TRPM3: variants seen among roughly 807,000 people sequenced by gnomAD.
TRPM3 encodes transient receptor potential cation channel subfamily M member 3, also known as long transient receptor potential channel 3.
In TRPM3, 77 loss-of-function variants were observed where a neutral mutation model predicts 181.2. The observed-to-expected ratio is 0.42, with a 90% CI of 0.35 to 0.51. The LOEUF (loss-of-function observed/expected upper bound fraction) is 0.51, where lower values mean the gene tolerates loss of function less well. TRPM3 is among the 20% of genes least tolerant of loss of function. The pLI, the probability that TRPM3 is intolerant of heterozygous loss-of-function variation, is 0.01. For synonymous variants in TRPM3, 745 were observed against 796.4 expected (o/e 0.94, Z 1.09); for missense variants, 1,759 against 2,196.7 (o/e 0.80, Z 3.98).
intron 1 of TRPM3, among the ~76,000 whole-genome samples, chr9:71,032,504 A>G (rs2057662975): frequency 6.6e-6 from 1 of 151,962 alleles, no homozygotes; most frequent in Admixed American, 6.6e-5. Context: ...GATCCTTACT[A>G]TTAGTTTTAG....
intron 1 of TRPM3, among the ~76,000 whole-genome samples, chr9:70,939,940 C>T (rs2096869255): frequency 6.6e-6 from 1 of 152,204 alleles, no homozygotes. Context: ...TTACAATAAG[C>T]TACTTCCTAG....
At chr9:71,362,130 C>T (rs1446316896) in intron 1 of TRPM3, among the ~76,000 whole-genome samples, 1 of 152,176 alleles carries the variant, frequency 6.6e-6, no homozygotes, top group African/African-American at 2.4e-5. Context: ...CAGATAAGGC[C>T]CCTGAAGGCC....
chr9:71,280,583 TAAA>T (rs1223197675), intron 1 of TRPM3, among the ~76,000 whole-genome samples: 1 of 152,126 alleles, frequency 6.6e-6, no homozygotes, highest in African/African-American at 2.4e-5. Flanking sequence ...AGAAAAAAAT[TAAA>T]TAATGGAGTC....
chr9:70,769,850 T>G (rs992808149), intron 7 of TRPM3, among the ~76,000 whole-genome samples: 1 of 152,170 alleles, frequency 6.6e-6, no homozygotes, highest in Non-Finnish European at 1.5e-5. Flanking sequence ...CTTGGTTCAA[T>G]GTTAGCTATA....
chr9:70,662,095 A>G (rs892065107), intron 9 of TRPM3, among the ~76,000 whole-genome samples: 2 of 152,146 alleles, frequency 1.3e-5, no homozygotes, highest in Admixed American at 6.5e-5. Flanking sequence ...TGGAACAGAA[A>G]TAGAGAACCT....
At chr9:70,737,671 G>A (rs1054714666) in intron 8 of TRPM3, among the ~76,000 whole-genome samples, 1 of 144,128 alleles carries the variant, frequency 6.9e-6, no homozygotes, top group Non-Finnish European at 1.5e-5. Context: ...GTAAAGGAGT[G>A]GAAAAAAATA....
rs557460961 is a variant in TRPM3, at chr9:71,249,315, A to G, written c.183+197338T>C. ...ATGTTCATTTACCTGCAAACACTAT[A>G]AAACCAAACTCTACATTGGAGCTTT... On this transcript the variant is annotated intron_variant, in intron 1 of 24. Transcript: ENST00000357533. Among the ~76,000 whole-genome samples the G allele has an allele frequency of 2.0e-5, 3 of 152,364 alleles. No individual in the cohort carries two copies. The East Asian group carries it at 5.8e-4, about 29-fold the overall frequency.
At chr9:70,821,195 A>G (rs2093136762) in intron 6 of TRPM3, among the ~76,000 whole-genome samples, 1 of 152,218 alleles carries the variant, frequency 6.6e-6, no homozygotes, top group Non-Finnish European at 1.5e-5. Flanking sequence ...TATTTTTAAG[A>G]TCTAGCCTAT....
chr9:70,610,069 G>T (rs944906656), intron 19 of TRPM3, among the ~76,000 whole-genome samples: 1 of 152,180 alleles, frequency 6.6e-6, no homozygotes, highest in African/African-American at 2.4e-5. Flanking sequence ...AGTAGTTTTT[G>T]CTGCTGTGGT....
chr9:71,420,787 A>AAGAGAG (rs1264016417), intron 1 of TRPM3, among the ~76,000 whole-genome samples: 1 of 47,062 alleles, frequency 2.1e-5, no homozygotes, highest in Admixed American at 1.8e-4. Context: ...AAGAGAGAGA[A>AAGAGAG]AGAGAGAGAA....
In TRPM3 at chr9:70,646,533, A is replaced by T. The variant is rs556398983; in HGVS notation, c.1346-5873T>A. Among the ~76,000 whole-genome samples, 6 of 152,282 alleles carry T rather than the reference A, an allele frequency of 3.9e-5. No homozygotes were observed. The South Asian group carries it at 1.0e-3, about 26-fold the overall frequency. On this transcript the variant is annotated intron_variant, in intron 9 of 25. Coordinates refer to ENST00000677713, the MANE Select transcript of TRPM3 (RefSeq NM_001366145.2). ...AGTTGAACAATGAGAACACATGGGCACAGGGAGGAAAACATCACACGCCAG... is the reference window on the plus strand; with the variant it reads ...AGTTGAACAATGAGAACACATGGGCTCAGGGAGGAAAACATCACACGCCAG...
At chr9:70,843,259 C>T (rs1197174739) in intron 4 of TRPM3, 132 bp from the exon 5 acceptor site, 1 of 929,008 alleles carries the variant, frequency 1.1e-6, no homozygotes, top group African/African-American at 1.7e-5. Context: ...CATTTCTATA[C>T]AAACTACTTG....
intron 1 of TRPM3, among the ~76,000 whole-genome samples, chr9:71,153,838 G>C (rs890460932): frequency 6.6e-6 from 1 of 152,056 alleles, no homozygotes; most frequent in African/African-American, 2.4e-5. Flanking sequence ...CTCTAAGATG[G>C]GACCCAACAA....
At position 70,618,959 on chromosome 9, in the gene TRPM3, G is replaced by A; in HGVS notation, c.2266C>T (p.His756Tyr). 6.2e-7 allele frequency: 1 copy of A among 1,614,088 alleles called. No homozygotes were observed. Among genetic ancestry groups the A allele is most frequent in the Non-Finnish European group, 8.5e-7 (1 of 1,180,030 alleles). Reference protein sequence around the residue: ...TCLQLAVAAKHRDFIAHTCSQ... With the variant: ...TCLQLAVAAKYRDFIAHTCSQ... Reference sequence around the variant, plus strand: ...CACGTGTGCGCGATGAAGTCGCGGTGTTTGGCAGCCACGGCAAGCTGCAGG... The same window carrying A: ...CACGTGTGCGCGATGAAGTCGCGGTATTTGGCAGCCACGGCAAGCTGCAGG... Residue 756 changes from histidine to tyrosine, a missense_variant, in exon 17 of 26, where the codon CAC becomes TAC. Around this residue, in one of 8 missense-constraint regions of TRPM3, gnomAD observed 737 missense variants for 957.4 expected, o/e 0.77. Transcript: ENST00000677713.
chr9:70,839,748 C>T (rs138051262), intron 5 of TRPM3, among the ~76,000 whole-genome samples: 2 of 152,038 alleles, frequency 1.3e-5, no homozygotes, highest in Admixed American at 6.6e-5. Flanking sequence ...ACAGACTTGA[C>T]CAAAGATGCA....
chr9:71,086,292 T>C (rs1388690482), intron 1 of TRPM3, among the ~76,000 whole-genome samples: 1 of 151,800 alleles, frequency 6.6e-6, no homozygotes, highest in African/African-American at 2.4e-5. Context: ...ATCACAAACC[T>C]CAGTATCATG....
intron 22 of TRPM3, among the ~76,000 whole-genome samples, chr9:70,567,254 A>C (rs1022914144): frequency 1.3e-5 from 2 of 152,242 alleles, no homozygotes; most frequent in Admixed American, 6.5e-5. Flanking sequence ...AATGACACCC[A>C]TCATAAAGTA....
In TRPM3 at chr9:70,670,658, C is replaced by T. The variant is rs116833477; in HGVS notation, c.1345+10848G>A. Among the ~76,000 whole-genome samples, 367 of 152,128 alleles carry T rather than the reference C, an allele frequency of 2.4e-3. 2 individuals carry two copies. The highest frequency in any genetic ancestry group is 8.4e-3 in the African/African-American group (348 of 41,470). On this transcript the variant is annotated intron_variant, in intron 9 of 25. Coordinates refer to ENST00000677713, the MANE Select transcript of TRPM3 (RefSeq NM_001366145.2). ...GAGTCCTTTCAAATCTGGCATTTTA[C>T]AGTTTTGATGGATTTTGAATATGGG...
At position 70,619,088 on chromosome 9, in the gene TRPM3, C is replaced by G; in HGVS notation, c.2137G>C (p.Gly713Arg). 1 of 1,612,600 alleles carries G rather than the reference C, an allele frequency of 6.2e-7. No homozygotes were observed. Among genetic ancestry groups the G allele is most frequent in the Non-Finnish European group, 8.5e-7 (1 of 1,179,340 alleles). The change falls in exon 17 of 26, where the codon GGC (glycine) becomes CGC (arginine). Residue 713 changes from glycine to arginine, a missense_variant. Coordinates refer to ENST00000677713, the MANE Select transcript of TRPM3 (RefSeq NM_001366145.2). ...QELNHNSRDF[G>R]QLAVELLDQS... ...TCCAGGAGCTCCACAGCCAGCTGGC[C>G]AAAGTCTCTGAAAGACAGAATGGGT...
Sources: allele counts gnomAD v4.1 joint callset (sites outside exome capture counted in the v4.1 genomes callset), GRCh38; gene constraint gnomAD v4.1.1; regional missense constraint gnomAD v4.1.1; transcripts MANE v1.5; gene names NCBI Gene and HGNC (gene_info 2026-07-23, HGNC 2026-07-21).